Variants in SIPA1L1 observed in about 807,000 individuals in gnomAD.
The protein encoded by SIPA1L1 is signal-induced proliferation-associated 1-like protein 1.
Under a neutral mutation model 162.7 loss-of-function variants are expected in SIPA1L1, and 26 were observed. The ratio of observed to expected loss-of-function variants is 0.16; its 90% CI spans 0.12 to 0.22. SIPA1L1 has a LOEUF of 0.22. Among genes scored for constraint, SIPA1L1 ranks in the 10% least tolerant of loss-of-function variants. SIPA1L1 has a pLI of 1.00. For missense variants in SIPA1L1, 1,874 were observed against 2,241.0 expected (o/e 0.84, Z 3.31); for synonymous variants, 829 against 837.4 (o/e 0.99, Z 0.17).
intron 7 of SIPA1L1, among the ~76,000 whole-genome samples, chr14:71,648,208 T>C (rs1233685353): frequency 6.6e-6 from 1 of 152,132 alleles, no homozygotes; most frequent in Non-Finnish European, 1.5e-5. Flanking sequence ...GAGAATCGCT[T>C]CAACTCCAGA....
At chr14:71,572,674 G>A (rs1475579168) in intron 4 of SIPA1L1, among the ~76,000 whole-genome samples, 9 of 152,194 alleles carry the variant, frequency 5.9e-5, no homozygotes, top group Non-Finnish European at 1.2e-4. Context: ...AAGAGAAATG[G>A]AATTGATAGG....
chr14:71,377,792 C>A lies in SIPA1L1; in HGVS notation c.-465+56611C>A, dbSNP rs571929721. On this transcript the variant is annotated intron_variant, in intron 2 of 23. Coordinates refer to ENST00000381232, the MANE Select transcript of SIPA1L1 (RefSeq NM_001386936.1). The surrounding 1 kb of genome is among the most constrained non-coding windows in gnomAD (Gnocchi z 4.8). ...GAGCTGGAGACCAGTCCGGCCAACA[C>A]GGCGAAACCCCGTCTCCACCAAAAA... 6.6e-6 allele frequency among the ~76,000 whole-genome samples: 1 copy of A among 152,212 alleles called. No individual in the cohort carries two copies. Among genetic ancestry groups the A allele is most frequent in the Non-Finnish European group, 1.5e-5 (1 of 68,038 alleles).
Position 71,672,452 on chromosome 14 carries a change from G to A in SIPA1L1, c.2934G>A (p.Glu978=), listed in dbSNP as rs147874469. 51 of 1,614,142 alleles carry A rather than the reference G, an allele frequency of 3.2e-5. No homozygotes were observed. The African/African-American group carries it at 6.0e-4, about 19-fold the overall frequency. Residue 978 remains glutamate, a synonymous_variant, in exon 12 of 24, where the codon GAG becomes GAA. Transcript: ENST00000381232. ...VNYEGIVADV[E]PYGYAWQAGL... ...ATGAGGGCATTGTGGCGGATGTGGA[G>A]CCCTACGGTTATGCCTGGCAGGCAG... is the stretch of plus-strand genomic sequence containing the variant.
intron 13 of SIPA1L1, among the ~76,000 whole-genome samples, chr14:71,696,123 T>C (rs1051625257): frequency 1.3e-5 from 2 of 152,202 alleles, no homozygotes; most frequent in East Asian, 3.8e-4. Flanking sequence ...GGCCCCGCCA[T>C]ACCTGCCCCA....
At chr14:71,511,002 C>G (rs1449322714) in intron 2 of SIPA1L1, among the ~76,000 whole-genome samples, 1 of 152,084 alleles carries the variant, frequency 6.6e-6, no homozygotes, top group Non-Finnish European at 1.5e-5. Context: ...GTATACTTAC[C>G]ATTGATCTAC....
chr14:71,738,150 C>G (rs1451291082), intron 22 of SIPA1L1, 91 bp from the exon 23 acceptor site: 25 of 662,042 alleles, frequency 3.8e-5, no homozygotes, highest in Non-Finnish European at 6.0e-5. Flanking sequence ...ATAAATACAG[C>G]CTCCTCAGAG....
At position 71,544,207 on chromosome 14, in the gene SIPA1L1, A is replaced by G. The variant is rs371353594; in HGVS notation, c.-303+14837A>G. Among the ~76,000 whole-genome samples, 9 of 145,574 alleles carry G rather than the reference A, an allele frequency of 6.2e-5. No individual in the cohort carries two copies. In the East Asian group the frequency reaches 1.6e-3, roughly 25 times the overall value. On this transcript the variant is annotated intron_variant, in intron 4 of 23. Coordinates refer to ENST00000381232, the MANE Select transcript of SIPA1L1 (RefSeq NM_001386936.1). ...TGTATATATACATATGCATGTATGC[A>G]CATGCATGTGTATATACATATATCA...
At chr14:71,373,911 A>T (rs1293018613) in intron 2 of SIPA1L1, among the ~76,000 whole-genome samples, 1 of 152,088 alleles carries the variant, frequency 6.6e-6, no homozygotes, top group East Asian at 1.9e-4. Context: ...AAAAGTTAAG[A>T]AAAAATCCTT....
intron 7 of SIPA1L1, among the ~76,000 whole-genome samples, chr14:71,641,906 A>G (rs1346849616): frequency 6.6e-6 from 1 of 152,222 alleles, no homozygotes; most frequent in Non-Finnish European, 1.5e-5. Flanking sequence ...TGGACTGCAA[A>G]GAGGAACCAG....
At chr14:71,534,834 C>G (rs895551002) in intron 4 of SIPA1L1, among the ~76,000 whole-genome samples, 2 of 152,078 alleles carry the variant, frequency 1.3e-5, no homozygotes, top group South Asian at 4.1e-4. Flanking sequence ...GTCTGTTGAT[C>G]GTAAAGATTT....
intron 2 of SIPA1L1, among the ~76,000 whole-genome samples, chr14:71,492,778 G>C (rs547850738): frequency 2.0e-4 from 30 of 150,926 alleles, no homozygotes; most frequent in Admixed American, 6.0e-4. Context: ...ATGCCACCAT[G>C]CCTGGCTAGA....
chr14:71,476,689 A>ATTTT (rs1047349454), intron 2 of SIPA1L1, among the ~76,000 whole-genome samples: 3 of 142,160 alleles, frequency 2.1e-5, no homozygotes, highest in African/African-American at 7.7e-5. Flanking sequence ...TTATTTATTT[A>ATTTT]TTTTTTGAGA....
At chr14:71,487,930 A>G (rs1025146776) in intron 2 of SIPA1L1, among the ~76,000 whole-genome samples, 9 of 152,194 alleles carry the variant, frequency 5.9e-5, no homozygotes, top group African/African-American at 2.2e-4. Flanking sequence ...TACCTTTAGG[A>G]TTTTCCAGGG....
intron 10 of SIPA1L1, among the ~76,000 whole-genome samples, chr14:71,665,245 G>A (rs897571587): frequency 2.0e-5 from 3 of 152,108 alleles, no homozygotes; most frequent in Admixed American, 1.3e-4. Flanking sequence ...TATAACATGA[G>A]AACAAAGAGA....
At chr14:71,508,064 G>A (rs965793158) in intron 2 of SIPA1L1, among the ~76,000 whole-genome samples, 1 of 152,232 alleles carries the variant, frequency 6.6e-6, no homozygotes, top group African/African-American at 2.4e-5. Flanking sequence ...TGGAGAGGAG[G>A]AGAATGCCTG....
intron 13 of SIPA1L1, among the ~76,000 whole-genome samples, chr14:71,691,340 C>T (rs2081239098): frequency 6.6e-6 from 1 of 152,162 alleles, no homozygotes; most frequent in African/African-American, 2.4e-5. Context: ...GCCTATAATC[C>T]CACCACTTTG....
chr14:71,347,242 T>G (rs917080609), intron 2 of SIPA1L1, among the ~76,000 whole-genome samples: 13 of 152,130 alleles, frequency 8.5e-5, no homozygotes, highest in African/African-American at 1.2e-4. Context: ...GTTACAGACA[T>G]GAGCCACCAT....
chr14:71,598,224 G>T (rs2036278066), intron 5 of SIPA1L1: 1 of 985,256 alleles, frequency 1.0e-6, no homozygotes, highest in African/African-American at 1.7e-5. Flanking sequence ...CACAGAGACT[G>T]ATTTTTACTA....
At chr14:71,450,871 C>T (rs2141528295) in intron 2 of SIPA1L1, among the ~76,000 whole-genome samples, 1 of 152,276 alleles carries the variant, frequency 6.6e-6, no homozygotes, top group Non-Finnish European at 1.5e-5. Context: ...AAAAATAGAA[C>T]TATCATGTGA....
Sources: allele counts gnomAD v4.1 joint callset (sites outside exome capture counted in the v4.1 genomes callset), GRCh38; gene constraint gnomAD v4.1.1; non-coding constraint Gnocchi (gnomAD v3.1); transcripts MANE v1.5; gene names NCBI Gene and HGNC (gene_info 2026-07-23, HGNC 2026-07-21).